The following PXDNL variants were observed in gnomAD, a reference collection of about 807,000 sequenced individuals.
PXDNL encodes probable oxidoreductase PXDNL.
In PXDNL, 145 loss-of-function variants were observed where a neutral mutation model predicts 150.8. The observed-to-expected ratio is 0.96, with a 90% CI of 0.84 to 1.10. The LOEUF (loss-of-function observed/expected upper bound fraction) is 1.10, where lower values mean the gene tolerates loss of function less well. Ranked by LOEUF, PXDNL falls within the 50% of genes least tolerant of loss-of-function variation. The pLI, the probability that PXDNL is intolerant of heterozygous loss-of-function variation, is 0.00. For missense variants in PXDNL, 2,087 were observed against 1,873.9 expected (o/e 1.11, Z -2.10); for synonymous variants, 757 against 725.7 (o/e 1.04, Z -0.69).
intron 2 of PXDNL, among the ~76,000 whole-genome samples, chr8:51,599,820 A>G (rs1342358806): frequency 7.0e-6 from 1 of 142,052 alleles, no homozygotes; most frequent in Non-Finnish European, 1.5e-5. Flanking sequence ...CCTTATATAA[A>G]TGACATCGTT....
chr8:51,640,759 T>C (rs1814730163), intron 2 of PXDNL, among the ~76,000 whole-genome samples: 1 of 151,968 alleles, frequency 6.6e-6, no homozygotes, highest in African/African-American at 2.4e-5. Flanking sequence ...GAATCAATAT[T>C]GTGACAATGG....
intron 12 of PXDNL, 85 bp downstream of exon 12, chr8:51,446,919 T>C: frequency 1.8e-6 from 2 of 1,131,944 alleles, no homozygotes; most frequent in Non-Finnish European, 2.6e-6. Context: ...TAGTCATATA[T>C]GTCATAAGAT....
intron 4 of PXDNL, among the ~76,000 whole-genome samples, chr8:51,518,286 C>T (rs1811588904): frequency 6.6e-6 from 1 of 152,220 alleles, no homozygotes; most frequent in Non-Finnish European, 1.5e-5. Context: ...GCACATGTCA[C>T]TGATTCTTGG....
intron 12 of PXDNL, chr8:51,435,966 A>C: frequency 2.0e-6 from 1 of 510,430 alleles, no homozygotes; most frequent in South Asian, 1.5e-5. Context: ...CTTTGAAGCT[A>C]AGAAAAAAAC....
chr8:51,563,252 G>A (rs1327829804), intron 3 of PXDNL, among the ~76,000 whole-genome samples: 2 of 152,006 alleles, frequency 1.3e-5, no homozygotes, highest in Non-Finnish European at 2.9e-5. Context: ...AGGCTGCAAA[G>A]TCCAAGATCA....
At chr8:51,567,607 T>A (rs537246179) in intron 3 of PXDNL, among the ~76,000 whole-genome samples, 3 of 151,994 alleles carry the variant, frequency 2.0e-5, no homozygotes, top group African/African-American at 7.2e-5. Context: ...TTCATTTGTG[T>A]TAGCATGATG....
At chr8:51,338,419 A>G (rs1272523389) in intron 21 of PXDNL, among the ~76,000 whole-genome samples, 1 of 152,220 alleles carries the variant, frequency 6.6e-6, no homozygotes, top group Non-Finnish European at 1.5e-5. Flanking sequence ...TAGTTCACAA[A>G]GTCCTTCTGT....
At chr8:51,664,790 G>A (rs1431391764) in intron 1 of PXDNL, among the ~76,000 whole-genome samples, 1 of 152,032 alleles carries the variant, frequency 6.6e-6, no homozygotes, top group African/African-American at 2.4e-5. Flanking sequence ...GGATGAAGCT[G>A]AGCCTGTCTG....
At chr8:51,569,036 T>G (rs908328669) in intron 3 of PXDNL, among the ~76,000 whole-genome samples, 12 of 151,964 alleles carry the variant, frequency 7.9e-5, no homozygotes, top group African/African-American at 2.9e-4. Context: ...CTTTGGCACA[T>G]TAATATAGTT....
chr8:51,720,339 C>A (rs1369020192), intron 1 of PXDNL, among the ~76,000 whole-genome samples: 1 of 151,842 alleles, frequency 6.6e-6, no homozygotes, highest in African/African-American at 2.4e-5. Flanking sequence ...TTTTTTATTA[C>A]ACTTTGAATA....
chr8:51,808,326 TTTTTCC>T (rs557135968), intron 1 of PXDNL, among the ~76,000 whole-genome samples: 324 of 152,330 alleles, frequency 2.1e-3, no homozygotes, highest in African/African-American at 7.4e-3. Context: ...TCTTTCAGCA[TTTTTCC>T]TTTTCTTCTT....
At chr8:51,703,402 T>C (rs1325344951) in intron 1 of PXDNL, among the ~76,000 whole-genome samples, 1 of 152,218 alleles carries the variant, frequency 6.6e-6, no homozygotes, top group South Asian at 2.1e-4. Flanking sequence ...TTATGGGGAA[T>C]TGATCATTAA....
chr8:51,419,649 C>T (rs62506900), intron 14 of PXDNL, among the ~76,000 whole-genome samples: 2,720 of 152,094 alleles, frequency 0.018, 31 homozygotes, highest in Non-Finnish European at 0.025. Context: ...TTCACGAGGA[C>T]GAAATGAGTC....
chr8:51,561,192 T>C (rs1812711000), intron 3 of PXDNL, among the ~76,000 whole-genome samples: 2 of 151,948 alleles, frequency 1.3e-5, no homozygotes, highest in Admixed American at 1.3e-4. Flanking sequence ...TGAAAAACTG[T>C]ATGGAGAGTC....
At chr8:51,457,952 C>T (rs922424817) in intron 8 of PXDNL, among the ~76,000 whole-genome samples, 3 of 152,208 alleles carry the variant, frequency 2.0e-5, no homozygotes, top group African/African-American at 7.2e-5. Context: ...CTGAAGCAAG[C>T]GCTCCCATAT....
chr8:51,628,330 CTTCTTTAT>C (rs1343171314), intron 2 of PXDNL, among the ~76,000 whole-genome samples: 1 of 146,736 alleles, frequency 6.8e-6, no homozygotes, highest in East Asian at 2.0e-4. Context: ...CTTCTCTCTT[CTTCTTTAT>C]TTCTTTCTTT....
At chr8:51,320,109 T>A (rs1233629648) in intron 22 of PXDNL, 87 bp from the exon 23 acceptor site, 1 of 1,116,486 alleles carries the variant, frequency 9.0e-7, no homozygotes, top group African/African-American at 1.6e-5. Context: ...TAATACATAA[T>A]CTAATAAGCT....
intron 8 of PXDNL, among the ~76,000 whole-genome samples, chr8:51,466,929 G>T (rs1810217462): frequency 1.3e-5 from 2 of 152,090 alleles, no homozygotes; most frequent in South Asian, 4.1e-4. Context: ...AAAAGCTAAT[G>T]CTTCCACACT....
At chr8:51,479,499 G>A (rs957766237) in intron 6 of PXDNL, among the ~76,000 whole-genome samples, 4 of 152,360 alleles carry the variant, frequency 2.6e-5, no homozygotes, top group East Asian at 1.9e-4. Context: ...ATAAATGGAT[G>A]TGTTATTCCA....
Sources: gnomAD v4.1 joint callset for allele counts (sites outside exome capture counted in the v4.1 genomes callset) on GRCh38, gnomAD v4.1.1 for gene constraint, MANE v1.5 for transcripts, NCBI Gene and HGNC (gene_info 2026-07-23, HGNC 2026-07-21) for gene names.